EPM2A: variants seen among roughly 807,000 people sequenced by gnomAD.
The protein encoded by EPM2A is laforin.
EPM2A carries 21 observed loss-of-function variants against 26.5 expected under a neutral mutation model. That is an observed-to-expected ratio of 0.79 (90% CI 0.56 to 1.14). EPM2A has a LOEUF of 1.14. Ranked by LOEUF, EPM2A falls within the 50% of genes most tolerant of loss-of-function variation. The pLI, the probability that EPM2A is intolerant of heterozygous loss-of-function variation, is 0.00. For missense variants in EPM2A, 458 were observed against 440.8 expected, an observed-to-expected ratio of 1.04 and a Z score of -0.35; for synonymous variants, 217 against 177.6, an observed-to-expected ratio of 1.22 and a Z score of -1.76.
intron 2 of EPM2A, among the ~76,000 whole-genome samples, chr6:145,509,443 T>A (rs1239702924): frequency 1.3e-5 from 2 of 152,180 alleles, no homozygotes; most frequent in African/African-American, 2.4e-5. Context: ...TTTAGCATTT[T>A]TAAAGAAAAG....
At chr6:145,491,411 C>G (rs1475727067) in intron 4 of EPM2A, among the ~76,000 whole-genome samples, 2 of 151,328 alleles carry the variant, frequency 1.3e-5, no homozygotes, top group Non-Finnish European at 1.5e-5. Flanking sequence ...GACTCCATAT[C>G]TGGCAGGACC....
At chr6:145,475,074 A>T (rs1779524539) in intron 4 of EPM2A, among the ~76,000 whole-genome samples, 1 of 152,204 alleles carries the variant, frequency 6.6e-6, no homozygotes, top group Non-Finnish European at 1.5e-5. Flanking sequence ...TTCCTCAAGG[A>T]TCTAGAACTA....
chr6:145,625,760 C>CA lies in EPM2A; in HGVS notation c.*1655dup. 1 of 1,143,400 alleles carries CA rather than the reference C, an allele frequency of 8.7e-7. No individual in the cohort carries two copies. Among genetic ancestry groups the CA allele is most frequent in the Non-Finnish European group, 1.3e-6 (1 of 753,636 alleles). The allele number at this position is 1,143,400 out of a possible 1,614,324, so 70.8% of individuals were successfully genotyped here. The stretch of plus-strand genomic sequence containing the variant: ...AGCAAATGTCATCTCCCCTAAGTGC[C>CA]ACAGTTCTATCTCCCCGTCCTCTGA... On this transcript the variant is annotated 3_prime_UTR_variant, in exon 4 of 4. Coordinates refer to ENST00000367519, the MANE Select transcript of EPM2A (RefSeq NM_005670.4).
intron 3 of EPM2A, chr6:145,630,086 T>G (rs984460703): frequency 1.3e-5 from 2 of 152,236 alleles, no homozygotes; most frequent in Non-Finnish European, 2.9e-5. Flanking sequence ...TCAAGAGGTA[T>G]GTACACAGTT....
At chr6:145,672,559 G>C (rs1396725142) in intron 2 of EPM2A, among the ~76,000 whole-genome samples, 1 of 152,206 alleles carries the variant, frequency 6.6e-6, no homozygotes, top group African/African-American at 2.4e-5. Context: ...TTGAAAGCCT[G>C]TTTAAGAAGC....
intron 2 of EPM2A, chr6:145,684,838 G>A (rs951294675): frequency 1.2e-4 from 19 of 152,236 alleles, no homozygotes; most frequent in African/African-American, 4.1e-4. Flanking sequence ...CACGAGACAT[G>A]CTTAACTCTT....
chr6:145,544,475 A>G (rs892032664), intron 2 of EPM2A, among the ~76,000 whole-genome samples: 5 of 152,192 alleles, frequency 3.3e-5, no homozygotes, highest in African/African-American at 4.8e-5. Context: ...AATCAGAATT[A>G]CCCAGAACTA....
At chr6:145,717,400 T>A (rs1342808494) in intron 1 of EPM2A, among the ~76,000 whole-genome samples, 1 of 152,134 alleles carries the variant, frequency 6.6e-6, no homozygotes, top group Non-Finnish European at 1.5e-5. Context: ...AGAAAAGGCC[T>A]TTGACAAAAT....
chr6:145,675,141 A>G (rs1779934366), intron 2 of EPM2A, among the ~76,000 whole-genome samples: 1 of 152,212 alleles, frequency 6.6e-6, no homozygotes, highest in African/African-American at 2.4e-5. Flanking sequence ...CAACATTCTT[A>G]AAGAAAATAA....
intron 2 of EPM2A, among the ~76,000 whole-genome samples, chr6:145,667,651 A>C (rs1583009706): frequency 6.7e-6 from 1 of 150,338 alleles, no homozygotes; most frequent in East Asian, 2.0e-4. Flanking sequence ...TGACCCAGCC[A>C]TCCCATTACT....
At chr6:145,623,990 A>C (rs1288822362), downstream of EPM2A, among the ~76,000 whole-genome samples, 3 of 152,230 alleles carry the variant, frequency 2.0e-5, no homozygotes, top group East Asian at 5.8e-4. Context: ...GCAACGACTT[A>C]GAGAAGCAAA....
chr6:145,399,208 T>C (rs1351507330), intron 4 of EPM2A, among the ~76,000 whole-genome samples: 1 of 152,180 alleles, frequency 6.6e-6, no homozygotes, highest in African/African-American at 2.4e-5. Flanking sequence ...TTTAGTCTCA[T>C]TGGCACTTCC....
In EPM2A at chr6:145,627,439, G is replaced by A. The variant is rs746413047; in HGVS notation, c.973C>T (p.Arg325Cys). 5.0e-6 allele frequency: 8 copies of A among 1,614,178 alleles called. No individual in the cohort carries two copies. The highest frequency in any genetic ancestry group is 3.3e-5 in the South Asian group (3 of 91,066). ...EDFFQKFGKV[R>C]SSVCSL ...AGCTACAGGCTACACACAGAAGAAC[G>A]AACCTTCCCAAATTTCTGGAAAAAA... The change falls in exon 4 of 4, where the codon CGT (arginine) becomes TGT (cysteine). Residue 325 changes from arginine to cysteine, a missense_variant. Arg to Cys is a radical substitution (Grantham distance 180). Transcript: ENST00000367519.
intron 2 of EPM2A, among the ~76,000 whole-genome samples, chr6:145,672,412 C>A (rs1779711635): frequency 6.6e-6 from 1 of 152,110 alleles, no homozygotes; most frequent in Non-Finnish European, 1.5e-5. Context: ...AACAGAGCTA[C>A]AACAAACAAC....
At chr6:145,452,688 CA>C (rs770537287) in intron 4 of EPM2A, among the ~76,000 whole-genome samples, 1,766 of 103,200 alleles carry the variant, frequency 0.017, 15 homozygotes, top group African/African-American at 0.022. Context: ...GACTCTGTCT[CA>C]AAAAAAAAAA....
chr6:145,502,358 C>T (rs1262026220), intron 3 of EPM2A, among the ~76,000 whole-genome samples: 2 of 152,252 alleles, frequency 1.3e-5, no homozygotes, highest in African/African-American at 4.8e-5. Context: ...ACTCAGCCTG[C>T]CTTATTTCCA....
chr6:145,684,682 C>CA (rs1404377834), intron 2 of EPM2A: 3 of 152,112 alleles, frequency 2.0e-5, no homozygotes, highest in Non-Finnish European at 4.4e-5. Flanking sequence ...GACATCAAAT[C>CA]AATTTCCTTC....
chr6:145,489,008 C>G (rs1286052934), intron 4 of EPM2A, among the ~76,000 whole-genome samples: 1 of 152,170 alleles, frequency 6.6e-6, no homozygotes, highest in Admixed American at 6.5e-5. Flanking sequence ...AGATGCTTTA[C>G]AGAAGTTTAG....
chr6:145,594,934 T>C (rs1582883316), intron 2 of EPM2A, among the ~76,000 whole-genome samples: 1 of 151,886 alleles, frequency 6.6e-6, no homozygotes, highest in Non-Finnish European at 1.5e-5. Context: ...TCTGTAACAT[T>C]TGTCTTTTCA....
Sources: allele counts gnomAD v4.1 joint callset (sites outside exome capture counted in the v4.1 genomes callset), GRCh38; gene constraint gnomAD v4.1.1; transcripts MANE v1.5; gene names NCBI Gene and HGNC (gene_info 2026-07-23, HGNC 2026-07-21).